SDK1: variants seen among roughly 807,000 people sequenced by gnomAD.
SDK1 encodes the protein sidekick cell adhesion molecule 1.
A neutral mutation model predicts 245.5 loss-of-function variants in SDK1; 157 were observed. That is an observed-to-expected ratio of 0.64 (90% confidence interval 0.56 to 0.73). The LOEUF is 0.73. Among genes scored for constraint, SDK1 ranks in the 30% least tolerant of loss-of-function variants. The probability of loss-of-function intolerance (pLI) is 0.00; values close to 1 mark genes in which losing one functional copy is unlikely to be tolerated. For missense variants in SDK1, 3,583 were observed against 3,002.3 expected, an observed-to-expected ratio of 1.19 and a Z score of -4.52; for synonymous variants, 1,647 against 1,278.5, an observed-to-expected ratio of 1.29 and a Z score of -6.15.
intron 17 of SDK1, among the ~76,000 whole-genome samples, chr7:4,024,728 T>C (rs991397883): frequency 2.0e-5 from 3 of 152,200 alleles, no homozygotes; most frequent in Non-Finnish European, 2.9e-5. Flanking sequence ...CAAGGTGATA[T>C]AGCTGGACAA....
intron 4 of SDK1, among the ~76,000 whole-genome samples, chr7:3,819,074 G>GT (rs1431746861): frequency 6.6e-6 from 1 of 152,194 alleles, no homozygotes; most frequent in Non-Finnish European, 1.5e-5. Context: ...AAGATGAATG[G>GT]TTTTGGATGT....
intron 4 of SDK1, among the ~76,000 whole-genome samples, chr7:3,672,249 A>T (rs1783724418): frequency 6.6e-6 from 1 of 151,996 alleles, no homozygotes; most frequent in South Asian, 2.1e-4. Context: ...TGGCTTCCAT[A>T]CCCATCCTGT....
At chr7:3,623,541 T>C (rs1782012885) in intron 2 of SDK1, among the ~76,000 whole-genome samples, 1 of 152,124 alleles carries the variant, frequency 6.6e-6, no homozygotes, top group African/African-American at 2.4e-5. Context: ...GCACCCGGCC[T>C]CAAATGTTAC....
intron 1 of SDK1, among the ~76,000 whole-genome samples, chr7:3,381,110 C>G (rs544399023): frequency 6.6e-6 from 1 of 152,192 alleles, no homozygotes; most frequent in South Asian, 2.1e-4. Flanking sequence ...TAACATTACT[C>G]AGGGGGAGTA....
chr7:3,748,348 A>G (rs190141650), intron 4 of SDK1, among the ~76,000 whole-genome samples: 191 of 152,306 alleles, frequency 1.3e-3, no homozygotes, highest in African/African-American at 4.5e-3. Flanking sequence ...TTACTTAGAA[A>G]AATTGTACTA....
intron 4 of SDK1, among the ~76,000 whole-genome samples, chr7:3,789,123 C>G (rs1780999887): frequency 6.6e-6 from 1 of 151,998 alleles, no homozygotes; most frequent in African/African-American, 2.4e-5. Context: ...GGGAAGGCCA[C>G]TAACCGGGGA....
intron 30 of SDK1, among the ~76,000 whole-genome samples, chr7:4,153,658 A>G (rs2128209510): frequency 6.6e-6 from 1 of 152,230 alleles, no homozygotes; most frequent in East Asian, 1.9e-4. Context: ...GTGATACAAT[A>G]GTGAGGTCTA....
intron 25 of SDK1, among the ~76,000 whole-genome samples, chr7:4,116,700 G>A (rs1783733809): frequency 6.6e-6 from 1 of 152,362 alleles, no homozygotes; most frequent in Non-Finnish European, 1.5e-5. Flanking sequence ...AGGGCAGGAG[G>A]TGAGGGTAGA....
In SDK1 at chr7:4,267,067, C is replaced by T. The variant is rs1788512879; in HGVS notation, c.*1683C>T. The T allele has an allele frequency of 1.5e-5, 15 of 985,332 alleles. No individual in the cohort carries two copies. The highest frequency in any genetic ancestry group is 1.7e-5 in the African/African-American group (1 of 57,218). 61.0% of individuals were successfully genotyped at this position (985,332 alleles called of 1,614,324 possible). A position where few individuals can be genotyped will look rare whatever the true frequency, so the allele number is the denominator to read the frequency against. ...TATTGCCTGGATTCTGTGCTGTCAG[C>T]GTTGCTGAGTATGGCCCCAGGAGAC... is the stretch of plus-strand genomic sequence containing the variant. On this transcript the variant is annotated 3_prime_UTR_variant, in exon 45 of 45. Transcript: ENST00000404826.
intron 1 of SDK1, among the ~76,000 whole-genome samples, chr7:3,508,800 G>A (rs562762007): frequency 3.5e-4 from 53 of 152,288 alleles, no homozygotes; most frequent in African/African-American, 6.3e-4. Context: ...CTCACTAGGC[G>A]TGAAATTCTT....
intron 40 of SDK1, among the ~76,000 whole-genome samples, chr7:4,221,650 G>A (rs953275488): frequency 6.6e-6 from 1 of 152,160 alleles, no homozygotes; most frequent in African/African-American, 2.4e-5. Flanking sequence ...AGGTGAATGA[G>A]AACTTAGGGA....
intron 44 of SDK1, among the ~76,000 whole-genome samples, chr7:4,259,631 G>C (rs534958998): frequency 2.6e-5 from 4 of 152,298 alleles, no homozygotes; most frequent in South Asian, 2.1e-4. Context: ...AGCAGAATAT[G>C]AGAATATTCA....
intron 22 of SDK1, among the ~76,000 whole-genome samples, chr7:4,087,481 A>G (rs540428501): frequency 3.1e-4 from 45 of 142,862 alleles, no homozygotes; most frequent in Admixed American, 4.7e-4. Context: ...ACACGCGCGC[A>G]CACACACACA....
At position 4,145,159 on chromosome 7, in the gene SDK1, C is replaced by T. The variant is rs1013822620; in HGVS notation, c.4229-563C>T. Among the ~76,000 whole-genome samples the T allele has an allele frequency of 2.8e-4, 42 of 152,126 alleles. 1 individual carries two copies. The highest frequency in any genetic ancestry group is 1.6e-3 in the East Asian group (8 of 5,142). The stretch of plus-strand genomic sequence containing the variant: ...GCAGAGCTGCCCTGGCGGAGCTGCT[C>T]GGGAGGGGTGGGGCCAAAGAAGGGG... On this transcript the variant is annotated intron_variant, in intron 28 of 44. Coordinates refer to ENST00000404826, the MANE Select transcript of SDK1 (RefSeq NM_152744.4).
intron 9 of SDK1, among the ~76,000 whole-genome samples, chr7:3,965,957 C>G (rs547639571): frequency 6.6e-6 from 1 of 151,890 alleles, no homozygotes; most frequent in South Asian, 2.1e-4. Flanking sequence ...CAGTGACAAG[C>G]AGGGTGGCCA....
intron 44 of SDK1, among the ~76,000 whole-genome samples, chr7:4,259,383 C>A (rs1787831269): frequency 6.6e-6 from 1 of 152,170 alleles, no homozygotes; most frequent in Non-Finnish European, 1.5e-5. Flanking sequence ...TACAGTGAGC[C>A]AAGATCGTAC....
intron 14 of SDK1, among the ~76,000 whole-genome samples, chr7:3,988,166 C>G (rs564694107): frequency 2.6e-4 from 35 of 134,930 alleles, no homozygotes; most frequent in Admixed American, 1.7e-3. Context: ...TTACCTCACT[C>G]CTGCAGCCAC....
At chr7:4,027,509 G>T (rs927997636) in intron 17 of SDK1, among the ~76,000 whole-genome samples, 1 of 152,110 alleles carries the variant, frequency 6.6e-6, no homozygotes. Context: ...GCCCAGGAGG[G>T]CCTATGAATT....
intron 4 of SDK1, among the ~76,000 whole-genome samples, chr7:3,714,416 A>C (rs980316741): frequency 6.6e-6 from 1 of 152,196 alleles, no homozygotes; most frequent in Non-Finnish European, 1.5e-5. Flanking sequence ...CAACCTGTCA[A>C]TTACCTGTTT....
Sources: gnomAD v4.1 joint callset for allele counts (sites outside exome capture counted in the v4.1 genomes callset) on GRCh38, gnomAD v4.1.1 for gene constraint, MANE v1.5 for transcripts, NCBI Gene and HGNC (gene_info 2026-07-23, HGNC 2026-07-21) for gene names.